NEGR1: variants seen among roughly 807,000 people sequenced by gnomAD.
The protein encoded by NEGR1 is neuronal growth regulator 1.
Under a neutral mutation model 40.9 loss-of-function variants are expected in NEGR1, and 10 were observed. The ratio of observed to expected loss-of-function variants is 0.24; its 90% CI spans 0.15 to 0.42. NEGR1 has a LOEUF of 0.42. Among genes scored for constraint, NEGR1 ranks in the 10% least tolerant of loss-of-function variants. The pLI is 1.00. For synonymous variants in NEGR1, 185 were observed against 166.8 expected, an observed-to-expected ratio of 1.11 and a Z score of -0.84; for missense variants, 352 against 438.9, an observed-to-expected ratio of 0.80 and a Z score of 1.77.
chr1:71,591,844 T>C (rs2101519987), intron 6 of NEGR1, among the ~76,000 whole-genome samples: 1 of 152,272 alleles, frequency 6.6e-6, no homozygotes, highest in Middle Eastern at 3.4e-3. Context: ...TTTTAAGTTG[T>C]AGGAACATCA....
intron 1 of NEGR1, among the ~76,000 whole-genome samples, chr1:72,177,770 GT>G (rs34239145): frequency 0.46 from 64,711 of 141,492 alleles, 14,494 homozygotes; most frequent in African/African-American, 0.55. Context: ...TTTTGTTTTT[GT>G]TTTTTTTTTT....
chr1:71,721,392 AAAACATTC>A (rs1314843604), intron 3 of NEGR1, among the ~76,000 whole-genome samples: 4 of 152,304 alleles, frequency 2.6e-5, no homozygotes, highest in African/African-American at 7.2e-5. Context: ...ACTGAATGAC[AAAACATTC>A]TGTGTAGTCA....
intron 6 of NEGR1, among the ~76,000 whole-genome samples, chr1:71,532,150 G>T (rs1246398838): frequency 6.6e-6 from 1 of 151,448 alleles, no homozygotes; most frequent in Non-Finnish European, 1.5e-5. Context: ...ATAGCCAGCA[G>T]CCAACATTCA....
At chr1:71,838,183 G>A (rs1659110792) in intron 2 of NEGR1, among the ~76,000 whole-genome samples, 2 of 152,022 alleles carry the variant, frequency 1.3e-5, no homozygotes, top group East Asian at 3.9e-4. Context: ...ATACGCTTTT[G>A]AGAAAAATTT....
chr1:71,688,434 G>T (rs796812554), intron 4 of NEGR1, among the ~76,000 whole-genome samples: 1 of 14,644 alleles, frequency 6.8e-5, no homozygotes, highest in African/African-American at 1.6e-4. Context: ...ATATATAAAA[G>T]ATATATATAT....
chr1:71,674,358 A>G (rs1652537530), intron 4 of NEGR1, among the ~76,000 whole-genome samples: 1 of 152,178 alleles, frequency 6.6e-6, no homozygotes, highest in Non-Finnish European at 1.5e-5. Flanking sequence ...TCAAATATGC[A>G]AGAAAATCTC....
intron 1 of NEGR1, among the ~76,000 whole-genome samples, chr1:72,056,069 A>G (rs1339567923): frequency 1.3e-5 from 2 of 151,244 alleles, no homozygotes; most frequent in East Asian, 3.9e-4. Context: ...TTGGTAAATC[A>G]GTTAGCTCTC....
intron 2 of NEGR1, among the ~76,000 whole-genome samples, chr1:71,934,638 A>G (rs1425647907): frequency 2.0e-5 from 3 of 152,154 alleles, no homozygotes; most frequent in Admixed American, 6.6e-5. Flanking sequence ...TAATGTGTCA[A>G]TCATGGGCTC....
intron 5 of NEGR1, among the ~76,000 whole-genome samples, chr1:71,601,864 T>G (rs1649930496): frequency 6.6e-6 from 1 of 152,200 alleles, no homozygotes; most frequent in Admixed American, 6.5e-5. Context: ...CAATGTTCAC[T>G]ATTTGGGTGT....
At chr1:71,783,675 G>C (rs1054205910) in intron 2 of NEGR1, among the ~76,000 whole-genome samples, 2 of 152,132 alleles carry the variant, frequency 1.3e-5, no homozygotes, top group Non-Finnish European at 2.9e-5. Context: ...AACGTTATCT[G>C]TCGAACTTCA....
At chr1:71,898,981 C>CATAT (rs55674579) in intron 2 of NEGR1, among the ~76,000 whole-genome samples, 3,954 of 50,450 alleles carry the variant, frequency 0.078, 218 homozygotes, top group African/African-American at 0.1. Context: ...ATATATATAG[C>CATAT]ATATATATAT....
At chr1:71,688,366 T>TAAAA (rs1557613796) in intron 4 of NEGR1, among the ~76,000 whole-genome samples, 33 of 30,404 alleles carry the variant, frequency 1.1e-3, no homozygotes, top group South Asian at 2.3e-3. Context: ...TATATATATA[T>TAAAA]GAGATATATA....
At position 71,465,294 on chromosome 1, in the gene NEGR1, G is replaced by A. The variant is rs1646738116; in HGVS notation, c.941-57724C>T. On this transcript the variant is annotated intron_variant, in intron 6 of 6. Transcript: ENST00000357731. ...TGAAGATATAGCAGTGAATATGACA[G>A]TCTCTGCCTTGATGGAGCTTGCAGT... is the stretch of plus-strand genomic sequence containing the variant. Among the ~76,000 whole-genome samples the A allele has an allele frequency of 2.0e-5, 3 of 152,166 alleles. No homozygotes were observed. In the South Asian group the frequency reaches 6.2e-4, roughly 32 times the overall value.
At chr1:71,601,034 A>C (rs193067524) in intron 5 of NEGR1, among the ~76,000 whole-genome samples, 9 of 152,296 alleles carry the variant, frequency 5.9e-5, no homozygotes, top group Admixed American at 5.2e-4. Context: ...ATTACGTTCA[A>C]ATTTTCCTTT....
chr1:71,603,934 C>A (rs1469562010), intron 5 of NEGR1, among the ~76,000 whole-genome samples: 1 of 152,086 alleles, frequency 6.6e-6, no homozygotes, highest in African/African-American at 2.4e-5. Context: ...CCTGCTTTAC[C>A]TCACTGTTGA....
At chr1:71,437,513 T>A (rs867478615) in intron 6 of NEGR1, among the ~76,000 whole-genome samples, 9 of 151,972 alleles carry the variant, frequency 5.9e-5, no homozygotes, top group Admixed American at 6.6e-5. Flanking sequence ...CTTTGTAAAT[T>A]AATGGTGCTA....
At chr1:71,686,317 C>A (rs1410029511) in intron 4 of NEGR1, among the ~76,000 whole-genome samples, 1 of 151,970 alleles carries the variant, frequency 6.6e-6, no homozygotes. Flanking sequence ...GTTTGGTTCC[C>A]ACTCACCTAA....
At chr1:72,180,302 C>G (rs893748898) in intron 1 of NEGR1, among the ~76,000 whole-genome samples, 1 of 151,688 alleles carries the variant, frequency 6.6e-6, no homozygotes, top group African/African-American at 2.4e-5. Flanking sequence ...ATATCATGCA[C>G]AAATATCAAT....
intron 1 of NEGR1, among the ~76,000 whole-genome samples, chr1:72,243,873 C>T (rs746120664): frequency 2.6e-4 from 39 of 151,672 alleles, no homozygotes; most frequent in Non-Finnish European, 4.3e-4. Flanking sequence ...GGTTTTGATA[C>T]ATAGCAATCT....
Sources: allele counts gnomAD v4.1 joint callset (sites outside exome capture counted in the v4.1 genomes callset), GRCh38; gene constraint gnomAD v4.1.1; transcripts MANE v1.5; gene names NCBI Gene and HGNC (gene_info 2026-07-23, HGNC 2026-07-21).